PICALM: variants seen among roughly 807,000 people sequenced by gnomAD.
PICALM encodes the protein phosphatidylinositol-binding clathrin assembly protein.
PICALM carries 40 observed loss-of-function variants against 80.5 expected under a neutral mutation model. The observed-to-expected ratio is 0.50, with a 90% CI of 0.39 to 0.65. The LOEUF (loss-of-function observed/expected upper bound fraction) is 0.65, where lower values mean the gene tolerates loss of function less well. Ranked by LOEUF, PICALM falls within the 30% of genes least tolerant of loss-of-function variation. The pLI is 0.00. For missense variants in PICALM, 676 were observed against 778.9 expected, an observed-to-expected ratio of 0.87 and a Z score of 1.57; for synonymous variants, 288 against 260.3, an observed-to-expected ratio of 1.11 and a Z score of -1.02.
intron 11 of PICALM, among the ~76,000 whole-genome samples, chr11:85,999,663 G>A (rs959076219): frequency 3.3e-5 from 5 of 152,218 alleles, no homozygotes; most frequent in Non-Finnish European, 5.9e-5. Context: ...AGCAGTTCAC[G>A]TAGTAAAACT....
chr11:86,007,281 C>A, intron 8 of PICALM: 1 of 218,338 alleles, frequency 4.6e-6, no homozygotes, highest in Non-Finnish European at 9.1e-6. Context: ...CTTTTTTAAA[C>A]AATGATGATG....
At chr11:85,959,185 C>G in intron 19 of PICALM, 125 bp from the exon 20 acceptor site, 3 of 550,930 alleles carry the variant, frequency 5.4e-6, no homozygotes, top group Non-Finnish European at 9.6e-6. Context: ...TATCACAAAC[C>G]CTGTTTATAA....
intron 17 of PICALM, among the ~76,000 whole-genome samples, chr11:85,979,473 G>C (rs1319362979): frequency 6.1e-5 from 9 of 147,720 alleles, no homozygotes; most frequent in Admixed American, 2.0e-4. Context: ...CTGGGCAAAA[G>C]AGCAAGACTC....
intron 4 of PICALM, among the ~76,000 whole-genome samples, chr11:86,017,692 T>C (rs932356719): frequency 6.6e-6 from 1 of 152,242 alleles, no homozygotes; most frequent in Non-Finnish European, 1.5e-5. Context: ...TGCCAAGATG[T>C]TGATCCTTTT....
chr11:86,024,307 G>GA (rs2095614610), intron 3 of PICALM, among the ~76,000 whole-genome samples: 1 of 150,992 alleles, frequency 6.6e-6, no homozygotes, highest in Non-Finnish European at 1.5e-5. Context: ...TGGTCTTCTA[G>GA]AATGTCTGGA....
chr11:86,031,860 A>T (rs2095756985), intron 1 of PICALM, among the ~76,000 whole-genome samples: 1 of 152,180 alleles, frequency 6.6e-6, no homozygotes, highest in Non-Finnish European at 1.5e-5. Flanking sequence ...TCAGGGTATA[A>T]TTCTCTCTCA....
intron 1 of PICALM, among the ~76,000 whole-genome samples, chr11:86,036,918 A>G (rs908208374): frequency 2.8e-5 from 4 of 141,282 alleles, no homozygotes; most frequent in Non-Finnish European, 6.0e-5. Flanking sequence ...CCTAAGCAAC[A>G]CAGGGAGATC....
Position 86,001,034 on chromosome 11 carries a change from C to T in PICALM, c.1017+1G>A. On this transcript the variant is annotated splice_donor_variant, in intron 10 of 19. Transcript: ENST00000393346. LOFTEE classifies it high-confidence loss of function. Reference sequence around the variant, plus strand: ...GAAATAAGGAGAATGCACAAACTTACCTTTAAAGCTTTCAAACGTGCCTGT... The same window carrying T: ...GAAATAAGGAGAATGCACAAACTTATCTTTAAAGCTTTCAAACGTGCCTGT... The T allele has an allele frequency of 6.2e-7, 1 of 1,613,936 alleles. No individual in the cohort carries two copies. The highest frequency in any genetic ancestry group is 8.5e-7 in the Non-Finnish European group (1 of 1,179,878).
Position 85,958,792 on chromosome 11 carries a change from A to AG in PICALM, c.*253dup, listed in dbSNP as rs957404491. ...TATTAACAGGAGTTGAAAGAATTGA[A>AG]GGGTTAGTCACCAAAAAGACAGATC... is the stretch of plus-strand genomic sequence containing the variant. On this transcript the variant is annotated 3_prime_UTR_variant, in exon 20 of 20. Coordinates refer to ENST00000393346, the MANE Select transcript of PICALM (RefSeq NM_007166.4). 10 of 389,680 alleles carry AG rather than the reference A, an allele frequency of 2.6e-5. No homozygotes were observed. Among genetic ancestry groups the AG allele is most frequent in the African/African-American group, 2.0e-4 (10 of 49,236 alleles). The allele number at this position is 389,680 out of a possible 1,614,324, so 24.1% of individuals were successfully genotyped here.
At chr11:86,026,808 TG>T (rs1287431257) in intron 2 of PICALM, among the ~76,000 whole-genome samples, 1 of 152,228 alleles carries the variant, frequency 6.6e-6, no homozygotes, top group Non-Finnish European at 1.5e-5. Flanking sequence ...CAAATTCACA[TG>T]TTCACTTCAC....
At chr11:86,051,646 G>A (rs1167566382) in intron 1 of PICALM, among the ~76,000 whole-genome samples, 2 of 152,190 alleles carry the variant, frequency 1.3e-5, no homozygotes, top group African/African-American at 4.8e-5. Context: ...GCGTAACAGA[G>A]TGAGACTCCA....
In PICALM at chr11:86,012,338, A is replaced by G; in HGVS notation, c.601T>C (p.Phe201Leu). The change falls in exon 6 of 20, where the codon TTC (phenylalanine) becomes CTC (leucine). Residue 201 changes from phenylalanine (F) to leucine (L), a missense_variant. Transcript: ENST00000393346. ...GVINAAFMLL[F>L]KDAIRLFAAY... ...GCAAACAGTCTAATGGCATCTTTGA[A>G]CAGGAGCATGAAGGCAGCATTTATT... 2 of 1,611,712 alleles carry G rather than the reference A, an allele frequency of 1.2e-6. No homozygotes were observed. Among genetic ancestry groups the G allele is most frequent in the Non-Finnish European group, 1.7e-6 (2 of 1,178,360 alleles).
intron 11 of PICALM, among the ~76,000 whole-genome samples, chr11:85,997,669 C>T (rs1361605633): frequency 2.0e-5 from 3 of 152,326 alleles, no homozygotes; most frequent in Admixed American, 6.5e-5. Context: ...CAGGGTTTCA[C>T]CATGTTGGCC....
At chr11:85,983,827 G>A (rs913366685) in intron 14 of PICALM, 39 bp downstream of exon 14, 3 of 803,746 alleles carry the variant, frequency 3.7e-6, no homozygotes, top group Non-Finnish European at 6.2e-6. Flanking sequence ...ATCTAAATTA[G>A]GACATTATAA....
rs2135900267 is a variant in PICALM at position 85,990,334 on chromosome 11, T to C, written c.1324A>G (p.Lys442Glu). Residue 442 changes from lysine (K) to glutamate (E), a missense_variant, in exon 13 of 20, where the codon AAA becomes GAA. By Grantham distance (56) the Lys-to-Glu change is moderately conservative. Transcript: ENST00000393346. ...AIPSLNPFLT[K>E]SSGDVHLSIS... is the part of the protein sequence containing the mutation. ...GAAAGGTGAACATCACCACTACTTT[T>C]TGTGAGGAAAGGATTTAAGCTTGGA... is the stretch of plus-strand genomic sequence containing the variant. 1 of 1,607,696 alleles carries C rather than the reference T, an allele frequency of 6.2e-7. No homozygotes were observed. The highest frequency in any genetic ancestry group is 2.2e-5 in the East Asian group (1 of 44,762).
intron 11 of PICALM, 58 bp from the exon 12 acceptor site, chr11:85,996,987 G>T: frequency 1.0e-6 from 1 of 986,060 alleles, no homozygotes; most frequent in Non-Finnish European, 1.6e-6. Context: ...CTACTTTAGT[G>T]TCACCTTCTC....
chr11:85,975,827 C>T (rs1592438208), intron 18 of PICALM, among the ~76,000 whole-genome samples: 2 of 152,180 alleles, frequency 1.3e-5, no homozygotes, highest in South Asian at 4.1e-4. Flanking sequence ...GAACTCCCAA[C>T]CTCAGGTGAT....
chr11:86,062,152 A>G (rs1406988454), intron 1 of PICALM, among the ~76,000 whole-genome samples: 1 of 152,302 alleles, frequency 6.6e-6, no homozygotes, highest in East Asian at 1.9e-4. Context: ...CAGGGCAGAT[A>G]AACATTGTAC....
chr11:85,998,565 T>C (rs893028258), intron 11 of PICALM, among the ~76,000 whole-genome samples: 3 of 151,824 alleles, frequency 2.0e-5, no homozygotes, highest in Non-Finnish European at 4.4e-5. Flanking sequence ...GGCTGAGGCG[T>C]GCGGACTGCT....
Sources: gnomAD v4.1 joint callset for allele counts (sites outside exome capture counted in the v4.1 genomes callset) on GRCh38, gnomAD v4.1.1 for gene constraint, MANE v1.5 for transcripts, NCBI Gene and HGNC (gene_info 2026-07-23, HGNC 2026-07-21) for gene names.